The following SLC27A5 variants were observed in gnomAD, a reference collection of about 807,000 sequenced individuals.
SLC27A5 encodes the protein solute carrier family 27 member 5, also known as long-chain fatty acid transport protein 5.
Under a neutral mutation model 63.1 loss-of-function variants are expected in SLC27A5, and 47 were observed. That is an observed-to-expected ratio of 0.74 (90% CI 0.59 to 0.95). The LOEUF (loss-of-function observed/expected upper bound fraction) is 0.95. SLC27A5 is among the 40% of genes least tolerant of loss of function. SLC27A5 has a pLI of 0.00. For synonymous variants in SLC27A5, 391 were observed against 403.8 expected (o/e 0.97, Z 0.38); for missense variants, 940 against 921.0 (o/e 1.02, Z -0.27).
intron 3 of SLC27A5, chr19:58,508,157 G>A (rs1157537287): frequency 6.6e-6 from 1 of 152,132 alleles, no homozygotes; most frequent in East Asian, 1.9e-4. Flanking sequence ...GGGCATCATG[G>A]TCCTACCGAT....
intron 3 of SLC27A5, among the ~76,000 whole-genome samples, chr19:58,504,103 A>G (rs2053314535): frequency 6.6e-6 from 1 of 152,192 alleles, no homozygotes; most frequent in Admixed American, 6.6e-5. Flanking sequence ...TGACAAAGCA[A>G]GACTCTGTCT....
In SLC27A5 at chr19:58,510,736, T is replaced by C; in HGVS notation, c.883A>G (p.Thr295Ala). The C allele has an allele frequency of 6.2e-7, 1 of 1,609,172 alleles. No homozygotes were observed. The highest frequency in any genetic ancestry group is 1.1e-5 in the South Asian group (1 of 90,502). ...TWRSPALFIY[T>A]SGTTGLPKPA... is the part of the protein sequence containing the mutation. ...GCACCCTCACCAGTGGTCCCCGAGG[T>C]ATAGATGAAGAGGGCAGGGCTTCTC... Residue 295 changes from threonine to alanine, a missense_variant, in exon 2 of 10, where the codon ACC becomes GCC. Transcript: ENST00000263093.
At position 58,498,567 on chromosome 19, in the gene SLC27A5, G is replaced by A; in HGVS notation, c.2021C>T (p.Pro674Leu). The A allele has an allele frequency of 1.9e-6, 3 of 1,614,052 alleles. No homozygotes were observed. Among genetic ancestry groups the A allele is most frequent in the Non-Finnish European group, 2.5e-6 (3 of 1,180,000 alleles). Residue 674 changes from proline (P) to leucine (L), a missense_variant, in exon 10 of 10, where the codon CCC becomes CTC. Transcript: ENST00000263093. ...AGCCTGGTACATTTCTGCCGTCAGG[G>A]GCCGGAAGGACTGGGCCCGGTTGTC... Reference protein sequence around the residue: ...VLDNRAQSFRPLTAEMYQAVC... With the variant: ...VLDNRAQSFRLLTAEMYQAVC...
At chr19:58,505,644 G>C (rs56401278) in intron 3 of SLC27A5, among the ~76,000 whole-genome samples, 5,539 of 150,472 alleles carry the variant, frequency 0.037, 140 homozygotes, top group Non-Finnish European at 0.051. Flanking sequence ...GGGAGTTTGA[G>C]ACAAGCCTGA....
intron 3 of SLC27A5, among the ~76,000 whole-genome samples, chr19:58,506,308 G>T (rs1038883386): frequency 6.6e-6 from 1 of 152,132 alleles, no homozygotes; most frequent in Admixed American, 6.5e-5. Context: ...GCCGAGGTAG[G>T]TGGATCACCT....
At chr19:58,501,029 ATT>A in intron 4 of SLC27A5, 1 of 577,168 alleles carries the variant, frequency 1.7e-6, no homozygotes, top group African/African-American at 2.1e-5. Context: ...TAATTAATTA[ATT>A]TTTAATGGAA....
At position 58,511,761 on chromosome 19, in the gene SLC27A5, G is replaced by A. The variant is rs1227767812; in HGVS notation, c.195C>T (p.Ser65=). The A allele has an allele frequency of 2.6e-6, 4 of 1,551,040 alleles. No individual in the cohort carries two copies. The highest frequency in any genetic ancestry group is 3.5e-6 in the Non-Finnish European group (4 of 1,146,840). ...WLGPWVPHGL[S]LAAAALALTL... is the part of the protein sequence containing the mutation. ...TTAGTGCCAGGGCCGCAGCTGCCAG[G>A]CTCAGCCCATGGGGCACCCAGGGGC... Residue 65 remains serine (S), a synonymous_variant, in exon 1 of 10, where the codon AGC becomes AGT. Coordinates refer to ENST00000263093, the MANE Select transcript of SLC27A5 (RefSeq NM_012254.3).
In SLC27A5 at chr19:58,499,543, A is replaced by T. The variant is rs147464959; in HGVS notation, c.1616T>A (p.Met539Lys). 3 of 1,612,906 alleles carry T rather than the reference A, an allele frequency of 1.9e-6. No homozygotes were observed. The highest frequency in any genetic ancestry group is 3.3e-5 in the Admixed American group (2 of 59,972). Residue 539 changes from methionine to lysine, a missense_variant, in exon 7 of 10, where the codon ATG becomes AAG. Transcript: ENST00000263093. ...GAAGTAGAGGAAGCCTTCGCGGTCC[A>T]TGGCCAGTACGTCCCCGGTGTTGTA... ...VYYNTGDVLA[M>K]DREGFLYFRD... is the part of the protein sequence containing the mutation.
intron 3 of SLC27A5, among the ~76,000 whole-genome samples, chr19:58,504,507 C>A (rs140396847): frequency 0.24 from 32,801 of 138,626 alleles, 4,346 homozygotes; most frequent in Non-Finnish European, 0.31. Context: ...AAATTAGCCG[C>A]TTGTGGCGGT....
At chr19:58,499,450 T>C in intron 7 of SLC27A5, 42 bp downstream of exon 7, 1 of 1,600,158 alleles carries the variant, frequency 6.2e-7, no homozygotes. Context: ...AAAGCGTCCG[T>C]GGCCCCGCGC....
At chr19:58,503,170 A>C (rs962037297) in intron 3 of SLC27A5, among the ~76,000 whole-genome samples, 5 of 150,294 alleles carry the variant, frequency 3.3e-5, no homozygotes, top group African/African-American at 4.9e-5. Context: ...GCGCCACTGC[A>C]CTCCAGCCTG....
chr19:58,505,802 C>G (rs952227232), intron 3 of SLC27A5, among the ~76,000 whole-genome samples: 1 of 145,258 alleles, frequency 6.9e-6, no homozygotes, highest in Non-Finnish European at 1.5e-5. Context: ...GAGCCGACAT[C>G]GCGCCATTGC....
chr19:58,498,740 C>A (rs1568625608), intron 9 of SLC27A5, 45 bp downstream of exon 9: 1 of 1,610,380 alleles, frequency 6.2e-7, no homozygotes, highest in Non-Finnish European at 8.5e-7. Context: ...CACCCGCCCC[C>A]TGGCTATGAT....
At chr19:58,504,239 GTAA>G (rs1327138382) in intron 3 of SLC27A5, among the ~76,000 whole-genome samples, 5 of 152,318 alleles carry the variant, frequency 3.3e-5, no homozygotes, top group East Asian at 1.9e-4. Context: ...GTTGTTACGT[GTAA>G]TAATCACTTT....
At chr19:58,499,417 A>G (rs961361726) in intron 7 of SLC27A5, 75 bp downstream of exon 7, 7 of 1,517,876 alleles carry the variant, frequency 4.6e-6, no homozygotes, top group Non-Finnish European at 6.3e-6. Flanking sequence ...CCGCCTCTTC[A>G]GCCTGACTCC....
At position 58,500,374 on chromosome 19, in the gene SLC27A5, C is replaced by G; in HGVS notation, c.1433G>C (p.Arg478Thr). The stretch of plus-strand genomic sequence containing the variant: ...AGGGATGCAGAAGCCCTGATTGTCC[C>G]TCACAGGCTCCGCCGCCTCCATGTC... ...QFDMEAAEPV[R>T]DNQGFCIPVG... The change falls in exon 6 of 10, where the codon AGG becomes ACG. Residue 478 changes from arginine (R) to threonine (T), a missense_variant. By Grantham distance (71) the Arg-to-Thr change is moderately conservative. Coordinates refer to ENST00000263093, the MANE Select transcript of SLC27A5 (RefSeq NM_012254.3). 6.2e-7 allele frequency: 1 copy of G among 1,613,684 alleles called. No individual in the cohort carries two copies. Among genetic ancestry groups the G allele is most frequent in the Non-Finnish European group, 8.5e-7 (1 of 1,179,994 alleles).
At chr19:58,501,867 G>T (rs1168828832) in intron 3 of SLC27A5, among the ~76,000 whole-genome samples, 1 of 151,958 alleles carries the variant, frequency 6.6e-6, no homozygotes, top group Non-Finnish European at 1.5e-5. Context: ...AGTACAGACG[G>T]GGTTTCACCA....
Position 58,500,406 on chromosome 19 carries a change from C to T in SLC27A5, c.1401G>A (p.Val467=), listed in dbSNP as rs1341128329. Residue 467 remains valine, a synonymous_variant, in exon 6 of 10, where the codon GTG becomes GTA. Transcript: ENST00000263093. ...GCTCCGCCGCCTCCATGTCGAACTG[C>T]ACCAGCTCAAAGGGGGACAGCATCT... ...LLRMLSPFEL[V]QFDMEAAEPV... is the part of the protein sequence containing the mutation. The T allele has an allele frequency of 1.2e-6, 2 of 1,613,860 alleles. No homozygotes were observed. Among genetic ancestry groups the T allele is most frequent in the Admixed American group, 1.7e-5 (1 of 59,998 alleles).
chr19:58,503,448 G>T (rs1022972875), intron 3 of SLC27A5, among the ~76,000 whole-genome samples: 1 of 151,794 alleles, frequency 6.6e-6, no homozygotes, highest in Admixed American at 6.6e-5. Flanking sequence ...TCACCTGAAA[G>T]ATCAGGAGTT....
Sources: gnomAD v4.1 joint callset for allele counts (sites outside exome capture counted in the v4.1 genomes callset) on GRCh38, gnomAD v4.1.1 for gene constraint, MANE v1.5 for transcripts, NCBI Gene and HGNC (gene_info 2026-07-23, HGNC 2026-07-21) for gene names.